The following PTPN9 variants were observed in gnomAD, a reference collection of about 807,000 sequenced individuals.
PTPN9 encodes protein tyrosine phosphatase non-receptor type 9, also known as tyrosine-protein phosphatase non-receptor type 9.
In PTPN9, 26 loss-of-function variants were observed where a neutral mutation model predicts 69.8. The observed-to-expected ratio is 0.37, with a 90% CI of 0.27 to 0.52. The LOEUF is 0.52. PTPN9 is among the 20% of genes least tolerant of loss of function. The pLI, the probability that PTPN9 is intolerant of heterozygous loss-of-function variation, is 0.91. For missense variants in PTPN9, 549 were observed against 740.3 expected, an observed-to-expected ratio of 0.74 and a Z score of 3.00; for synonymous variants, 274 against 272.5, an observed-to-expected ratio of 1.01 and a Z score of -0.05.
At chr15:75,515,426 C>CAAAA (rs34643551) in intron 5 of PTPN9, among the ~76,000 whole-genome samples, 6 of 69,380 alleles carry the variant, frequency 8.6e-5, no homozygotes, top group Non-Finnish European at 1.4e-4. Flanking sequence ...GACTCCGTCT[C>CAAAA]AAAAAAAAAA....
At chr15:75,551,698 T>C (rs944424796) in intron 1 of PTPN9, among the ~76,000 whole-genome samples, 3 of 152,160 alleles carry the variant, frequency 2.0e-5, no homozygotes, top group Admixed American at 2.0e-4. Context: ...CTAGACCTCA[T>C]CTGTAATATA....
rs935589019 is a variant in PTPN9, at chr15:75,468,707, C to T, written c.*62G>A. 1 of 1,478,202 alleles carries T rather than the reference C, an allele frequency of 6.8e-7. No individual in the cohort carries two copies. Among genetic ancestry groups the T allele is most frequent in the Non-Finnish European group, 9.3e-7 (1 of 1,070,088 alleles). 91.6% of individuals were successfully genotyped at this position (1,478,202 alleles called of 1,614,324 possible). ...AGCGTAACTGATGGCAACCTATAGG[C>T]TCAGCGGTGTCCAGGGTAGTTTAAG... On this transcript the variant is annotated 3_prime_UTR_variant, in exon 13 of 13. Transcript: ENST00000618819.
chr15:75,529,064 G>T (rs2074943555), intron 1 of PTPN9, among the ~76,000 whole-genome samples: 1 of 151,862 alleles, frequency 6.6e-6, no homozygotes, highest in African/African-American at 2.4e-5. Flanking sequence ...TTGGCTCACT[G>T]CAACCTCTGC....
intron 1 of PTPN9, among the ~76,000 whole-genome samples, chr15:75,530,667 CTATTATATATATTATTATATTATA>C: frequency 2.4e-5 from 1 of 41,656 alleles, no homozygotes; most frequent in South Asian, 7.0e-4. Flanking sequence ...ATATAATATA[CTATTATATATATTATTATATTATA>C]ATATATATAA....
intron 1 of PTPN9, among the ~76,000 whole-genome samples, chr15:75,558,866 T>A (rs897944584): frequency 1.3e-5 from 2 of 152,172 alleles, no homozygotes; most frequent in Admixed American, 1.3e-4. Flanking sequence ...AGTGGCGTGA[T>A]CTCGGCTCGC....
chr15:75,473,571 T>G, intron 10 of PTPN9, 118 bp downstream of exon 10: 8 of 879,102 alleles, frequency 9.1e-6, no homozygotes, highest in East Asian at 2.4e-5. Context: ...ATTACAGGCG[T>G]GAGCCACCGT....
rs978151098 is a variant in PTPN9 at position 75,479,704 on chromosome 15, C to T, written c.1129+144G>A. ...ACTACTTATTTGCTTTTCTCAACCACCACCCATCTTTATAAAAGGCCAGGA... is the reference window on the plus strand; with the variant it reads ...ACTACTTATTTGCTTTTCTCAACCATCACCCATCTTTATAAAAGGCCAGGA... On this transcript the variant is annotated intron_variant, in intron 9 of 12. Transcript: ENST00000618819. 30 of 639,304 alleles carry T rather than the reference C, an allele frequency of 4.7e-5. No homozygotes were observed. In the African/African-American group the frequency reaches 5.2e-4, roughly 11 times the overall value. 39.6% of individuals were successfully genotyped at this position (639,304 alleles called of 1,614,324 possible).
intron 1 of PTPN9, among the ~76,000 whole-genome samples, chr15:75,537,753 C>CAAAAAAAAA (rs1164644727): frequency 0.036 from 409 of 11,374 alleles, 52 homozygotes; most frequent in Middle Eastern, 0.056. Flanking sequence ...GACTCCATCT[C>CAAAAAAAAA]AAAAAAAAAA....
Position 75,526,975 on chromosome 15 carries a change from A to T in PTPN9, c.207+143T>A, listed in dbSNP as rs567010243. 1.0e-5 allele frequency: 11 copies of T among 1,055,412 alleles called. No individual in the cohort carries two copies. In the African/African-American group the frequency reaches 1.6e-4, roughly 15 times the overall value. 65.4% of individuals were successfully genotyped at this position (1,055,412 alleles called of 1,614,324 possible). On this transcript the variant is annotated intron_variant, in intron 2 of 12. Transcript: ENST00000618819. ...GCTGCCTTGCCCAGCTTCAGCTCTC[A>T]CAAGGGCTCCTGGATATGGATCCAT... is the stretch of plus-strand genomic sequence containing the variant.
chr15:75,468,804 A>G lies in PTPN9; in HGVS notation c.1747T>C (p.Ser583Pro), dbSNP rs1415138873. Residue 583 changes from serine to proline, a missense_variant, in exon 13 of 13, where the codon TCT becomes CCT. Transcript: ENST00000618819. ...EFAEKEGMVS[S>P]GQNLLAVESQ Reference sequence around the variant, plus strand: ...TCCACGGCCAGCAGGTTTTGGCCAGAGGATACCATGCCCTCCTTCTCTGCG... The same window carrying G: ...TCCACGGCCAGCAGGTTTTGGCCAGGGGATACCATGCCCTCCTTCTCTGCG... The G allele has an allele frequency of 2.5e-6, 4 of 1,614,152 alleles. No homozygotes were observed. The South Asian group carries it at 4.4e-5, about 18-fold the overall frequency.
chr15:75,468,976 G>T lies in PTPN9; in HGVS notation c.1575C>A (p.Phe525Leu). Reference protein sequence around the residue: ...CSAGIGRTGTFCSLDICLAQL... With the variant: ...CSAGIGRTGTLCSLDICLAQL... ...GTGCCAGGCAGATGTCCAGTGAGCAGAAGGTACCTGAAGAAGGAAGGAAGT... is the reference window on the plus strand; with the variant it reads ...GTGCCAGGCAGATGTCCAGTGAGCATAAGGTACCTGAAGAAGGAAGGAAGT... Residue 525 changes from phenylalanine (F) to leucine (L), a missense_variant, in exon 13 of 13, where the codon TTC becomes TTA. Around this residue, in one of 3 missense-constraint regions of PTPN9, gnomAD observed 457 missense variants for 661.9 expected, o/e 0.69. Transcript: ENST00000618819. 6.2e-7 allele frequency: 1 copy of T among 1,610,526 alleles called. No individual in the cohort carries two copies. The highest frequency in any genetic ancestry group is 8.5e-7 in the Non-Finnish European group (1 of 1,176,990).
chr15:75,481,822 G>C (rs1322331164), intron 8 of PTPN9, among the ~76,000 whole-genome samples: 1 of 135,860 alleles, frequency 7.4e-6, no homozygotes, highest in Non-Finnish European at 1.6e-5. Flanking sequence ...CCCCGTCCGG[G>C]AGGGAGGTGG....
intron 6 of PTPN9, among the ~76,000 whole-genome samples, chr15:75,508,033 C>A: frequency 8.4e-6 from 1 of 119,220 alleles, no homozygotes. Flanking sequence ...CAGAGTGAGA[C>A]ACTCTCAAAA....
intron 7 of PTPN9, among the ~76,000 whole-genome samples, chr15:75,491,581 A>C (rs1166513780): frequency 1.3e-5 from 2 of 152,194 alleles, no homozygotes; most frequent in Non-Finnish European, 2.9e-5. Flanking sequence ...TTGGAAGTAC[A>C]TGCAGAAAAA....
intron 10 of PTPN9, among the ~76,000 whole-genome samples, chr15:75,472,460 AAAAATAAAATAAAAT>A (rs369195573): frequency 2.7e-5 from 4 of 149,592 alleles, no homozygotes; most frequent in Non-Finnish European, 4.4e-5. Context: ...ACTCCGTCTC[AAAAATAAAATAAAAT>A]AAAATAAAAT....
intron 4 of PTPN9, among the ~76,000 whole-genome samples, chr15:75,519,963 T>A (rs1486760945): frequency 2.0e-5 from 3 of 152,062 alleles, no homozygotes; most frequent in African/African-American, 7.2e-5. Context: ...ACTCCGCCTC[T>A]ACAAAAAAAT....
intron 4 of PTPN9, 100 bp downstream of exon 4, chr15:75,523,021 C>A (rs2074911907): frequency 7.2e-7 from 1 of 1,397,706 alleles, no homozygotes; most frequent in Non-Finnish European, 9.9e-7. Context: ...CAGGGCACAT[C>A]CTAGGAGAAT....
intron 8 of PTPN9, among the ~76,000 whole-genome samples, chr15:75,488,972 G>A (rs2074694350): frequency 6.6e-6 from 1 of 151,730 alleles, no homozygotes; most frequent in African/African-American, 2.4e-5. Context: ...TCAGGAGATC[G>A]AGACCATCCT....
chr15:75,568,521 AAAAC>A (rs2075135849), intron 1 of PTPN9, among the ~76,000 whole-genome samples: 4 of 144,204 alleles, frequency 2.8e-5, no homozygotes, highest in African/African-American at 7.9e-5. Context: ...AAAAAAAAAA[AAAAC>A]AAAACAAAAA....
Sources: allele counts gnomAD v4.1 joint callset (sites outside exome capture counted in the v4.1 genomes callset), GRCh38; gene constraint gnomAD v4.1.1; regional missense constraint gnomAD v4.1.1; transcripts MANE v1.5; gene names NCBI Gene and HGNC (gene_info 2026-07-23, HGNC 2026-07-21).